KAZN: variants seen among roughly 807,000 people sequenced by gnomAD.
The protein encoded by KAZN is kazrin, periplakin interacting protein.
In KAZN, 40 loss-of-function variants were observed where a neutral mutation model predicts 87.4. The ratio of observed to expected loss-of-function variants is 0.46; its 90% CI spans 0.36 to 0.60. The LOEUF is 0.60. Ranked by LOEUF, KAZN falls within the 20% of genes least tolerant of loss-of-function variation. KAZN has a pLI of 0.00. For synonymous variants in KAZN, 466 were observed against 458.3 expected, an observed-to-expected ratio of 1.02 and a Z score of -0.22; for missense variants, 898 against 1,073.9, an observed-to-expected ratio of 0.84 and a Z score of 2.29.
At chr1:14,031,236 A>T (rs1641315051) in intron 1 of KAZN, among the ~76,000 whole-genome samples, 1 of 152,244 alleles carries the variant, frequency 6.6e-6, no homozygotes, top group Non-Finnish European at 1.5e-5. Flanking sequence ...GTGAATATCA[A>T]CAATTCAGAC....
rs3085672 is a variant in KAZN, at chr1:14,340,888, C to CTTTTTTTTTTTTTTTTTTTTTTT, written c.249+160313_249+160314insTTTTTTTTTTTTTTTTTTTTTTT. Among the ~76,000 whole-genome samples the CTTTTTTTTTTTTTTTTTTTTTTT allele has an allele frequency of 2.9e-5, 3 of 103,172 alleles. 1 individual carries two copies. The highest frequency in any genetic ancestry group is 1.8e-5 in the Non-Finnish European group (1 of 56,850). 67.7% of individuals were successfully genotyped at this position (103,172 alleles called of 152,430 possible). A position where few individuals can be genotyped will look rare whatever the true frequency, so the allele number is the denominator to read the frequency against. ...ATCTCCGTAAGGGTCATGATTTTCC[C>CTTTTTTTTTTTTTTTTTTTTTTT]TTTTTTTTTTTTTTTTTGAGATGGA... On this transcript the variant is annotated intron_variant, in intron 2 of 16. Transcript: ENST00000636203.
chr1:15,039,809 G>A (rs1252653660), intron 3 of KAZN, among the ~76,000 whole-genome samples: 1 of 152,156 alleles, frequency 6.6e-6, no homozygotes, highest in Admixed American at 6.5e-5. Flanking sequence ...AGCCGCTGGG[G>A]TGGGGTTGAC....
intron 8 of KAZN, among the ~76,000 whole-genome samples, chr1:15,093,906 A>C (rs1364693056): frequency 1.3e-5 from 2 of 152,168 alleles, no homozygotes; most frequent in Non-Finnish European, 2.9e-5. Flanking sequence ...TGGGGTCCCA[A>C]GATTTATTTG....
At position 14,184,242 on chromosome 1, in the gene KAZN, T is replaced by C. The variant is rs1646258379; in HGVS notation, c.249+3650T>C. ...CTTTGTCTTCTCCCTCTGCCCTTTT[T>C]CTCCCCACCCGACCCAGCATCTCTC... On this transcript the variant is annotated intron_variant, in intron 2 of 16. Coordinates refer to the KAZN transcript ENST00000636203. The surrounding 1 kb of genome is among the most constrained non-coding windows in gnomAD (Gnocchi z 4.2). Among the ~76,000 whole-genome samples, 1 of 152,034 alleles carries C rather than the reference T, an allele frequency of 6.6e-6. No individual in the cohort carries two copies. The highest frequency in any genetic ancestry group is 1.5e-5 in the Non-Finnish European group (1 of 67,992).
chr1:14,868,110 T>A, intron 1 of KAZN, among the ~76,000 whole-genome samples: 1 of 151,060 alleles, frequency 6.6e-6, no homozygotes, highest in East Asian at 2.0e-4. Context: ...TACACAGGCA[T>A]TGCATACACG....
Position 14,098,570 on chromosome 1 carries a change from T to C in KAZN, c.92-81865T>C, listed in dbSNP as rs187764444. 2.4e-3 allele frequency among the ~76,000 whole-genome samples: 365 copies of C among 152,312 alleles called. 1 individual carries two copies. Among genetic ancestry groups the C allele is most frequent in the Middle Eastern group, 0.01 (3 of 294 alleles). On this transcript the variant is annotated intron_variant, in intron 1 of 16. Transcript: ENST00000636203. The stretch of plus-strand genomic sequence containing the variant: ...GAATTGCCTCCATTCTTCTTATATT[T>C]CTGCCTCTGGCTCCCCTTCAAAATG...
intron 1 of KAZN, among the ~76,000 whole-genome samples, chr1:14,811,896 G>T (rs1454887818): frequency 3.3e-5 from 5 of 152,164 alleles, no homozygotes; most frequent in Admixed American, 3.3e-4. Context: ...GTGAGTAAAT[G>T]GAAGAATGAA....
At chr1:14,210,392 C>T (rs1646829972) in intron 2 of KAZN, among the ~76,000 whole-genome samples, 1 of 152,102 alleles carries the variant, frequency 6.6e-6, no homozygotes, top group Admixed American at 6.5e-5. Context: ...TATAAATTAC[C>T]CAGTCTCGGG....
At chr1:15,060,413 G>C in intron 6 of KAZN, 111 bp downstream of exon 6, 1 of 1,380,394 alleles carries the variant, frequency 7.2e-7, no homozygotes, top group Non-Finnish European at 1.0e-6. Context: ...CACCCAGGGA[G>C]CACTCTGGCG....
intron 8 of KAZN, among the ~76,000 whole-genome samples, chr1:15,072,684 C>T (rs186979050): frequency 6.6e-6 from 1 of 152,302 alleles, no homozygotes; most frequent in East Asian, 1.9e-4. Context: ...TACAGATGAA[C>T]AAACCAAGGC....
intron 2 of KAZN, among the ~76,000 whole-genome samples, chr1:14,406,132 C>T (rs1236588409): frequency 1.3e-5 from 2 of 152,142 alleles, no homozygotes; most frequent in African/African-American, 2.4e-5. Context: ...AGGATAAATG[C>T]TTGATGGGAT....
At chr1:14,205,887 A>AAAAAAAAAAAAAAAAAAC (rs1646731357) in intron 2 of KAZN, among the ~76,000 whole-genome samples, 1 of 58,362 alleles carries the variant, frequency 1.7e-5, no homozygotes, top group African/African-American at 7.7e-5. Context: ...ACTGTCTCAA[A>AAAAAAAAAAAAAAAAAAC]AAAAAAAAAA....
At chr1:13,981,525 A>G (rs1353149509) in intron 1 of KAZN, among the ~76,000 whole-genome samples, 3 of 152,126 alleles carry the variant, frequency 2.0e-5, no homozygotes, top group Admixed American at 6.5e-5. Context: ...TTCTGCCGCC[A>G]TATTTAAATC....
intron 1 of KAZN, among the ~76,000 whole-genome samples, chr1:14,120,105 A>G (rs1190359759): frequency 1.3e-5 from 2 of 152,138 alleles, no homozygotes; most frequent in Non-Finnish European, 2.9e-5. Context: ...AATACCTGAC[A>G]CTGGGTAATT....
chr1:14,666,026 C>T (rs766794082), intron 1 of KAZN, among the ~76,000 whole-genome samples: 7 of 151,036 alleles, frequency 4.6e-5, no homozygotes, highest in Non-Finnish European at 8.8e-5. Flanking sequence ...TCAGCCATCT[C>T]ATCCTTGGAA....
intron 1 of KAZN, among the ~76,000 whole-genome samples, chr1:14,757,075 G>T (rs1275073822): frequency 6.6e-6 from 1 of 152,212 alleles, no homozygotes; most frequent in East Asian, 1.9e-4. Context: ...CAGCATCCAA[G>T]CTCAGAAGTT....
intron 1 of KAZN, among the ~76,000 whole-genome samples, chr1:14,101,234 T>C (rs536565922): frequency 3.0e-4 from 46 of 152,318 alleles, no homozygotes; most frequent in African/African-American, 1.1e-3. Context: ...TATTAACTCT[T>C]TTCTGCACAG....
intron 1 of KAZN, among the ~76,000 whole-genome samples, chr1:14,682,486 C>T (rs1458173144): frequency 6.6e-6 from 1 of 151,804 alleles, no homozygotes; most frequent in Non-Finnish European, 1.5e-5. Flanking sequence ...GACAGGATCT[C>T]CCTGTTGCCC....
chr1:14,712,442 A>G (rs560727512), intron 1 of KAZN, among the ~76,000 whole-genome samples: 15 of 152,300 alleles, frequency 9.8e-5, no homozygotes, highest in African/African-American at 3.4e-4. Context: ...TGATGCCAAC[A>G]ATGCCGAAAT....
Sources: gnomAD v4.1 joint callset for allele counts (sites outside exome capture counted in the v4.1 genomes callset) on GRCh38, gnomAD v4.1.1 for gene constraint, Gnocchi (gnomAD v3.1) non-coding constraint, MANE v1.5 for transcripts, NCBI Gene and HGNC (gene_info 2026-07-23, HGNC 2026-07-21) for gene names.